The following LRRK2 variants were observed in gnomAD, a reference collection of about 807,000 sequenced individuals.
LRRK2 encodes the protein leucine-rich repeat serine/threonine-protein kinase 2.
LRRK2 carries 203 observed loss-of-function variants against 302.6 expected under a neutral mutation model. The ratio of observed to expected loss-of-function variants is 0.67; its 90% CI spans 0.60 to 0.75. LRRK2 has a LOEUF of 0.75. Ranked by LOEUF, LRRK2 falls within the 30% of genes least tolerant of loss-of-function variation. The pLI, the probability that LRRK2 is intolerant of heterozygous loss-of-function variation, is 0.00. For synonymous variants in LRRK2, 1,066 were observed against 1,031.9 expected, an observed-to-expected ratio of 1.03 and a Z score of -0.63; for missense variants, 2,830 against 2,951.0, an observed-to-expected ratio of 0.96 and a Z score of 0.95.
intron 14 of LRRK2, among the ~76,000 whole-genome samples, chr12:40,265,069 C>A: frequency 6.6e-6 from 1 of 152,096 alleles, no homozygotes; most frequent in East Asian, 1.9e-4. Context: ...CTTAAAAATT[C>A]ATTTTAAATT....
intron 2 of LRRK2, among the ~76,000 whole-genome samples, chr12:40,228,362 A>C (rs1475809793): frequency 1.6e-5 from 2 of 128,154 alleles, no homozygotes; most frequent in Non-Finnish European, 3.3e-5. Context: ...TTTTTCATGT[A>C]CCTGTTAGCC....
chr12:40,257,217 T>A, intron 11 of LRRK2, 31 bp from the exon 12 acceptor site: 1 of 1,439,836 alleles, frequency 6.9e-7, no homozygotes, highest in Non-Finnish European at 9.7e-7. Context: ...TATGCTTTCA[T>A]ATCTATAAGT....
chr12:40,305,991 T>C, intron 28 of LRRK2, 25 bp downstream of exon 28: 1 of 1,542,566 alleles, frequency 6.5e-7, no homozygotes, highest in Non-Finnish European at 8.9e-7. Flanking sequence ...TTCTATTTGG[T>C]TTTACTAAAT....
chr12:40,306,067 A>G, intron 28 of LRRK2, 101 bp downstream of exon 28: 2 of 911,354 alleles, frequency 2.2e-6, no homozygotes, highest in South Asian at 1.7e-5. Flanking sequence ...AGGGAAAAAT[A>G]AATAGTAATA....
At chr12:40,335,523 A>T (rs755217272) in intron 40 of LRRK2, among the ~76,000 whole-genome samples, 4 of 152,152 alleles carry the variant, frequency 2.6e-5, no homozygotes, top group Admixed American at 1.3e-4. Context: ...TCTCAAGGGG[A>T]CTAGAGTGAT....
chr12:40,269,179 T>C (rs1210168399), intron 14 of LRRK2, among the ~76,000 whole-genome samples: 1 of 152,216 alleles, frequency 6.6e-6, no homozygotes, highest in Non-Finnish European at 1.5e-5. Flanking sequence ...TAGATATACT[T>C]GCTCATGTAC....
intron 30 of LRRK2, 42 bp downstream of exon 30, chr12:40,309,275 T>C (rs966802819): frequency 1.3e-6 from 2 of 1,550,462 alleles, no homozygotes; most frequent in Non-Finnish European, 1.7e-6. Context: ...ATAATTCATG[T>C]GTCTGTGTGC....
Position 40,277,906 on chromosome 12 carries a change from G to A in LRRK2, c.1960G>A (p.Ala654Thr). Reference sequence around the variant, plus strand: ...CTTTTAGGGATTTCAGACAATCTTAGCAATCCTCAAATTGTCAGCATCTTT... The same window carrying A: ...CTTTTAGGGATTTCAGACAATCTTAACAATCCTCAAATTGTCAGCATCTTT... Reference protein sequence around the residue: ...IQTKGFQTILAILKLSASFSK... With the variant: ...IQTKGFQTILTILKLSASFSK... Residue 654 changes from alanine to threonine, a missense_variant, in exon 17 of 51, where the codon GCA (alanine) becomes ACA (threonine). Ala to Thr is a moderately conservative substitution (Grantham distance 58, BLOSUM62 0). Around this residue, in one of 3 missense-constraint regions of LRRK2, gnomAD observed 2,121 missense variants for 2,148.0 expected, o/e 0.99. Coordinates refer to ENST00000298910, the MANE Select transcript of LRRK2 (RefSeq NM_198578.4). 1.2e-6 allele frequency: 2 copies of A among 1,609,472 alleles called. No individual in the cohort carries two copies. The highest frequency in any genetic ancestry group is 1.7e-6 in the Non-Finnish European group (2 of 1,178,948).
chr12:40,344,544 C>A (rs1427478398), intron 41 of LRRK2, among the ~76,000 whole-genome samples: 1 of 152,006 alleles, frequency 6.6e-6, no homozygotes, highest in Non-Finnish European at 1.5e-5. Context: ...AGGATTATGT[C>A]GTTTGTAAAA....
chr12:40,259,330 A>G (rs1565687716), intron 12 of LRRK2, 150 bp from the exon 13 acceptor site: 4 of 865,242 alleles, frequency 4.6e-6, no homozygotes, highest in Admixed American at 4.3e-5. Context: ...AAAATTATGT[A>G]TGCTCATACT....
At chr12:40,259,058 T>G (rs1167821939) in intron 12 of LRRK2, among the ~76,000 whole-genome samples, 1 of 152,144 alleles carries the variant, frequency 6.6e-6, no homozygotes, top group Non-Finnish European at 1.5e-5. Context: ...GGAAGGTTCG[T>G]GTGATGTAAA....
Position 40,321,069 on chromosome 12 carries a change from A to G in LRRK2, c.5051A>G (p.His1684Arg), listed in dbSNP as rs201400897. Reference protein sequence around the residue: ...SDHRPVIELPHCENSEIIIRL... With the variant: ...SDHRPVIELPRCENSEIIIRL... ...CACAGGCCTGTGATAGAGCTTCCCC[A>G]TTGTGAGAACTCTGAAATTATCATC... is the stretch of plus-strand genomic sequence containing the variant. Residue 1684 changes from histidine (H) to arginine (R), a missense_variant, in exon 35 of 51, where the codon CAT becomes CGT. Physicochemically the swap from His to Arg is conservative, Grantham distance 29 (BLOSUM62 0). Coordinates refer to ENST00000298910, the MANE Select transcript of LRRK2 (RefSeq NM_198578.4). The G allele has an allele frequency of 6.2e-7, 1 of 1,612,884 alleles. No individual in the cohort carries two copies. The highest frequency in any genetic ancestry group is 8.5e-7 in the Non-Finnish European group (1 of 1,179,068).
chr12:40,295,836 A>C (rs1392508515), intron 23 of LRRK2, among the ~76,000 whole-genome samples, 192 bp downstream of exon 23: 1 of 152,208 alleles, frequency 6.6e-6, no homozygotes, highest in African/African-American at 2.4e-5. Flanking sequence ...GAGGGCAGGC[A>C]ATGGAAACAG....
rs773396517 is a variant in LRRK2 at position 40,284,102 on chromosome 12, A to G, written c.2469A>G (p.Pro823=). 6.2e-7 allele frequency: 1 copy of G among 1,611,956 alleles called. No homozygotes were observed. Among genetic ancestry groups the G allele is most frequent in the Non-Finnish European group, 8.5e-7 (1 of 1,178,606 alleles). ...CTTCTTGGCTTGGTCCTTTATTTCC[A>G]GATAAGACTTCTAATTTAAGGAAAC... ...VEPSWLGPLF[P]DKTSNLRKQT... The change falls in exon 19 of 51, where the codon CCA becomes CCG. Residue 823 remains proline (P), a synonymous_variant. Transcript: ENST00000298910.
chr12:40,321,956 C>A (rs1292746839), intron 35 of LRRK2, 79 bp from the exon 36 acceptor site: 2 of 1,390,226 alleles, frequency 1.4e-6, no homozygotes, highest in Non-Finnish European at 2.0e-6. Context: ...ATCTGTATTA[C>A]AATCACTTGT....
rs1377312214 is a variant in LRRK2, at chr12:40,274,488, A to G, written c.1657-95A>G. ...ATCAAGGATACTGATTTATATTTGGATTACTTGATTTATATTTTGTCAGTC... is the reference window on the plus strand; with the variant it reads ...ATCAAGGATACTGATTTATATTTGGGTTACTTGATTTATATTTTGTCAGTC... On this transcript the variant is annotated intron_variant, in intron 14 of 50. Coordinates refer to ENST00000298910, the MANE Select transcript of LRRK2 (RefSeq NM_198578.4). 5 of 1,258,910 alleles carry G rather than the reference A, an allele frequency of 4.0e-6. No individual in the cohort carries two copies. In the African/African-American group the frequency reaches 7.4e-5, roughly 19 times the overall value. The allele number at this position is 1,258,910 out of a possible 1,614,324, so 78.0% of individuals were successfully genotyped here. A position where few individuals can be genotyped will look rare whatever the true frequency, so the allele number is the denominator to read the frequency against.
At chr12:40,337,841 C>T (rs184872052) in intron 40 of LRRK2, among the ~76,000 whole-genome samples, 199 of 152,258 alleles carry the variant, frequency 1.3e-3, no homozygotes, top group African/African-American at 4.5e-3. Context: ...GCATTCTAGC[C>T]GTGATGACAG....
At chr12:40,322,273 G>C (rs772795583) in intron 36 of LRRK2, 46 bp from the exon 37 acceptor site, 1 of 1,605,684 alleles carries the variant, frequency 6.2e-7, no homozygotes, top group Non-Finnish European at 8.5e-7. Flanking sequence ...CTTTGCGACA[G>C]TATGAGGTTT....
chr12:40,236,095 A>G (rs558489463), intron 4 of LRRK2, among the ~76,000 whole-genome samples: 81 of 152,292 alleles, frequency 5.3e-4, no homozygotes, highest in South Asian at 6.2e-4. Flanking sequence ...CCCCCAGGTT[A>G]GTGGTCATTC....
Sources: gnomAD v4.1 joint callset for allele counts (sites outside exome capture counted in the v4.1 genomes callset) on GRCh38, gnomAD v4.1.1 for gene constraint, gnomAD v4.1.1 regional missense constraint, MANE v1.5 for transcripts, NCBI Gene and HGNC (gene_info 2026-07-23, HGNC 2026-07-21) for gene names.